Variants in MDN1 observed in about 807,000 individuals in gnomAD.
MDN1 encodes the protein midasin.
A neutral mutation model predicts 669.2 loss-of-function variants in MDN1; 266 were observed. The observed-to-expected ratio is 0.40, with a 90% CI of 0.36 to 0.44. MDN1 has a LOEUF of 0.44. Among genes scored for constraint, MDN1 ranks in the 20% least tolerant of loss-of-function variants. MDN1 has a pLI of 1.00. For missense variants in MDN1, 5,940 were observed against 6,754.0 expected, an observed-to-expected ratio of 0.88 and a Z score of 4.22; for synonymous variants, 2,385 against 2,457.1, an observed-to-expected ratio of 0.97 and a Z score of 0.87.
At chr6:89,733,121 A>C (rs1398428751) in intron 33 of MDN1, among the ~76,000 whole-genome samples, 1 of 152,190 alleles carries the variant, frequency 6.6e-6, no homozygotes, top group African/African-American at 2.4e-5. Context: ...GAAAATATGC[A>C]AATTTTGTTA....
chr6:89,696,308 C>G, intron 60 of MDN1, 52 bp downstream of exon 60: 1 of 1,546,446 alleles, frequency 6.5e-7, no homozygotes, highest in South Asian at 1.1e-5. Context: ...CTGCTCCATG[C>G]TGTGGAGAAA....
intron 11 of MDN1, among the ~76,000 whole-genome samples, chr6:89,777,154 C>A (rs12661021): frequency 0.18 from 27,172 of 152,116 alleles, 2,480 homozygotes; most frequent in East Asian, 0.22. Context: ...GTGAGCCAAC[C>A]AGTTATGTCT....
intron 31 of MDN1, among the ~76,000 whole-genome samples, chr6:89,742,636 T>C (rs1816352807): frequency 1.3e-5 from 2 of 152,212 alleles, no homozygotes; most frequent in Admixed American, 1.3e-4. Flanking sequence ...ATATGTAAAC[T>C]ATACCTCAAA....
chr6:89,687,726 C>A (rs111685329), intron 67 of MDN1, among the ~76,000 whole-genome samples: 10 of 152,332 alleles, frequency 6.6e-5, no homozygotes, highest in African/African-American at 2.4e-4. Flanking sequence ...ACATGCGGCC[C>A]TTTTCTGTCC....
intron 9 of MDN1, among the ~76,000 whole-genome samples, chr6:89,783,299 C>A (rs952052815): frequency 3.3e-5 from 5 of 152,092 alleles, no homozygotes; most frequent in Admixed American, 2.0e-4. Flanking sequence ...CTATAAATGG[C>A]CGCTCTGGGA....
At chr6:89,718,170 C>G (rs1009384311) in intron 43 of MDN1, among the ~76,000 whole-genome samples, 196 bp downstream of exon 43, 5 of 152,090 alleles carry the variant, frequency 3.3e-5, no homozygotes, top group Non-Finnish European at 7.4e-5. Flanking sequence ...AATTTTTTTC[C>G]TATTTGATTT....
chr6:89,818,725 C>T (rs1036070940), intron 1 of MDN1, among the ~76,000 whole-genome samples: 1 of 151,924 alleles, frequency 6.6e-6, no homozygotes, highest in Non-Finnish European at 1.5e-5. Flanking sequence ...AGGAGAATCG[C>T]CTGAACCCGG....
At chr6:89,723,187 A>C in intron 39 of MDN1, 44 bp from the exon 40 acceptor site, 2 of 1,563,328 alleles carry the variant, frequency 1.3e-6, no homozygotes, top group Non-Finnish European at 1.8e-6. Context: ...CCTGCTTACT[A>C]CTAGGCACTG....
At chr6:89,787,249 T>C (rs1215436031) in intron 8 of MDN1, among the ~76,000 whole-genome samples, 1 of 152,240 alleles carries the variant, frequency 6.6e-6, no homozygotes, top group East Asian at 1.9e-4. Flanking sequence ...GAAGAAGCTG[T>C]GCAGGTATAG....
chr6:89,761,144 G>A (rs1236176571), intron 17 of MDN1, among the ~76,000 whole-genome samples: 4 of 151,850 alleles, frequency 2.6e-5, no homozygotes, highest in Admixed American at 2.6e-4. Context: ...CCAGCCTGGG[G>A]GACAGAGTGA....
chr6:89,745,184 T>A, intron 29 of MDN1, 89 bp downstream of exon 29: 4 of 1,216,874 alleles, frequency 3.3e-6, no homozygotes, highest in East Asian at 4.0e-5. Context: ...GAAGGGGGGA[T>A]TAATACTTTC....
rs1405563595 is a variant in MDN1, at chr6:89,682,716, A to C, written c.12102+416T>G. On this transcript the variant is annotated intron_variant, in intron 73 of 101. Coordinates refer to ENST00000369393, the MANE Select transcript of MDN1 (RefSeq NM_014611.3). ...CTCTGTCTTAAAAAAAAAAAAAAAA[A>C]AAAAAAAAAAACTAAAAGTTCAAGA... 3.7e-3 allele frequency among the ~76,000 whole-genome samples: 533 copies of C among 145,656 alleles called. 3 individuals carry two copies. The highest frequency in any genetic ancestry group is 6.9e-3 in the Middle Eastern group (2 of 290).
chr6:89,813,227 G>A (rs745706862), intron 1 of MDN1, among the ~76,000 whole-genome samples: 2 of 152,108 alleles, frequency 1.3e-5, no homozygotes, highest in Non-Finnish European at 1.5e-5. Context: ...CTGAGCCATC[G>A]TGCCCGGCCA....
At position 89,749,559 on chromosome 6, in the gene MDN1, A is replaced by T. The variant is rs1421073742; in HGVS notation, c.3599T>A (p.Leu1200His). 1 of 1,614,222 alleles carries T rather than the reference A, an allele frequency of 6.2e-7. No individual in the cohort carries two copies. The highest frequency in any genetic ancestry group is 1.7e-5 in the Admixed American group (1 of 60,030). ...GCTACATACCTTTCTGCCTCCATAA[A>T]GTCCTGGGGGATTTTGGGTGGCAAA... ...MLFATQNPPG[L>H]YGGRKVLSRA... Residue 1200 changes from leucine (L) to histidine (H), a missense_variant, in exon 25 of 102, where the codon CTT becomes CAT. By Grantham distance (99) the Leu-to-His change is moderately conservative. This residue lies in a region of MDN1 where 2,292 missense variants were observed against 2,638.3 expected (regional missense o/e 0.87). Coordinates refer to ENST00000369393, the MANE Select transcript of MDN1 (RefSeq NM_014611.3).
chr6:89,698,814 GA>G (rs1182598752), intron 59 of MDN1, 50 bp downstream of exon 59: 2 of 1,577,268 alleles, frequency 1.3e-6, no homozygotes, highest in Admixed American at 1.7e-5. Flanking sequence ...GATCCATTCA[GA>G]AACTCTTTTG....
chr6:89,818,306 G>A (rs1768979452), intron 1 of MDN1, among the ~76,000 whole-genome samples: 2 of 126,644 alleles, frequency 1.6e-5, no homozygotes, highest in South Asian at 5.3e-4. Context: ...GGACGACAGA[G>A]CGTGCCTCCG....
Position 89,729,050 on chromosome 6 carries a change from T to G in MDN1, c.5230A>C (p.Lys1744Gln). 6.2e-7 allele frequency: 1 copy of G among 1,614,090 alleles called. No individual in the cohort carries two copies. Among genetic ancestry groups the G allele is most frequent in the Non-Finnish European group, 8.5e-7 (1 of 1,179,988 alleles). The change falls in exon 36 of 102, where the codon AAA (lysine) becomes CAA (glutamine). Residue 1744 changes from lysine (K) to glutamine (Q), a missense_variant. Transcript: ENST00000369393. ...TCCAGGAGAATGGGCTTCTTCAGTT[T>G]GGTAGCTCTTAAGAGCCTCTGTGCA... ...MNAQRLLRAT[K>Q]LKKPILLEGS...
chr6:89,731,857 G>A (rs1236207717), intron 34 of MDN1, among the ~76,000 whole-genome samples: 1 of 120,876 alleles, frequency 8.3e-6, no homozygotes, highest in Non-Finnish European at 1.6e-5. Context: ...GCCCAGGCAT[G>A]CCACAATACC....
chr6:89,790,543 T>G (rs1819207358), intron 5 of MDN1, 142 bp from the exon 6 acceptor site: 1 of 1,016,664 alleles, frequency 9.8e-7, no homozygotes, highest in African/African-American at 1.6e-5. Context: ...TAACAACAGG[T>G]ATGTCATCTA....
Sources: allele counts gnomAD v4.1 joint callset (sites outside exome capture counted in the v4.1 genomes callset), GRCh38; gene constraint gnomAD v4.1.1; regional missense constraint gnomAD v4.1.1; transcripts MANE v1.5; gene names NCBI Gene and HGNC (gene_info 2026-07-23, HGNC 2026-07-21).